CACNA1S: variants seen among roughly 807,000 people sequenced by gnomAD.
CACNA1S encodes calcium voltage-gated channel subunit alpha1 S.
A neutral mutation model predicts 207.4 loss-of-function variants in CACNA1S; 126 were observed. The observed-to-expected ratio is 0.61, with a 90% CI of 0.53 to 0.70. The LOEUF (loss-of-function observed/expected upper bound fraction) is 0.70. Among genes scored for constraint, CACNA1S ranks in the 30% least tolerant of loss-of-function variants. CACNA1S has a pLI of 0.00. For missense variants in CACNA1S, 2,349 were observed against 2,422.8 expected, an observed-to-expected ratio of 0.97 and a Z score of 0.64; for synonymous variants, 960 against 932.7, an observed-to-expected ratio of 1.03 and a Z score of -0.53.
Position 201,072,742 on chromosome 1 carries a change from C to T in CACNA1S, c.2227+13G>A. 6.2e-7 allele frequency: 1 copy of T among 1,608,962 alleles called. No homozygotes were observed. The highest frequency in any genetic ancestry group is 8.5e-7 in the Non-Finnish European group (1 of 1,175,374). Reference sequence around the variant, plus strand: ...CCAGCACCCTGCTCCAGTCCAGTCTCCAGCATCCTCACCTGGGAAGTCGGC... The same window carrying T: ...CCAGCACCCTGCTCCAGTCCAGTCTTCAGCATCCTCACCTGGGAAGTCGGC... On this transcript the variant is annotated intron_variant, in intron 16 of 43. Coordinates refer to ENST00000362061, the MANE Select transcript of CACNA1S (RefSeq NM_000069.3).
intron 10 of CACNA1S, among the ~76,000 whole-genome samples, chr1:201,080,622 C>T (rs763196579): frequency 2.0e-5 from 3 of 152,164 alleles, no homozygotes; most frequent in Non-Finnish European, 4.4e-5. Flanking sequence ...TCATTTTAAA[C>T]AGTCTCCTTT....
At position 201,089,241 on chromosome 1, in the gene CACNA1S, C is replaced by T. The variant is rs373839474; in HGVS notation, c.900+17G>A. ...GGATGAAGGGAGATGGTTCTGCAGG[C>T]GCGGGCCCAGACCCACCCAGTAAAG... On this transcript the variant is annotated intron_variant, in intron 6 of 43. Transcript: ENST00000362061. 492 of 1,612,450 alleles carry T rather than the reference C, an allele frequency of 3.1e-4. 1 individual carries two copies. The highest frequency in any genetic ancestry group is 4.0e-4 in the Non-Finnish European group (473 of 1,178,558).
At chr1:201,054,411 AC>A (rs1660761714) in intron 29 of CACNA1S, 93 bp downstream of exon 29, 2 of 1,308,444 alleles carry the variant, frequency 1.5e-6, no homozygotes, top group African/African-American at 2.9e-5. Context: ...GTGCTGATCC[AC>A]CCCATGCAAT....
chr1:201,068,080 A>T (rs1471512108), intron 19 of CACNA1S, among the ~76,000 whole-genome samples: 1 of 151,968 alleles, frequency 6.6e-6, no homozygotes, highest in African/African-American at 2.4e-5. Context: ...GCTGTGGATA[A>T]GGTGTGGAAA....
At position 201,046,996 on chromosome 1, in the gene CACNA1S, G is replaced by C. The variant is rs12407188; in HGVS notation, c.4668+119C>G. ...TCTTGACATTTTTTCACTCTTCTGG[G>C]CTTCCTTTTTCCCTCTATGTCTCCA... On this transcript the variant is annotated intron_variant, in intron 38 of 43. Transcript: ENST00000362061. 0.017 allele frequency: 22,817 copies of C among 1,355,744 alleles called. 940 individuals carry two copies. The highest frequency in any genetic ancestry group is 0.11 in the East Asian group (4,985 of 43,596). 84.0% of individuals were successfully genotyped at this position (1,355,744 alleles called of 1,614,324 possible).
intron 19 of CACNA1S, among the ~76,000 whole-genome samples, chr1:201,068,744 C>T (rs905095857): frequency 5.9e-5 from 9 of 151,960 alleles, no homozygotes; most frequent in South Asian, 2.1e-4. Context: ...TGGTGGCAGA[C>T]GCCTGTAATC....
chr1:201,079,721 A>C (rs1190852757), intron 10 of CACNA1S, among the ~76,000 whole-genome samples: 4 of 152,180 alleles, frequency 2.6e-5, no homozygotes, highest in African/African-American at 9.7e-5. Context: ...CATTGAAAGG[A>C]ACTGGCCACA....
chr1:201,040,085 G>A lies in CACNA1S; in HGVS notation c.5371-3C>T, dbSNP rs774557359. ...CCCAGGCCCCCTCGAACCAGAGCCT[G>A]CAGGGAGGAGAGTAGGCTGAGTGGG... On this transcript the variant is annotated splice_region_variant and splice_polypyrimidine_tract_variant and intron_variant, in intron 43 of 43. Coordinates refer to ENST00000362061, the MANE Select transcript of CACNA1S (RefSeq NM_000069.3). 1 of 1,614,176 alleles carries A rather than the reference G, an allele frequency of 6.2e-7. No individual in the cohort carries two copies. The highest frequency in any genetic ancestry group is 1.1e-5 in the South Asian group (1 of 91,088).
At chr1:201,045,927 T>C (rs925177478) in intron 38 of CACNA1S, among the ~76,000 whole-genome samples, 3 of 152,058 alleles carry the variant, frequency 2.0e-5, no homozygotes, top group African/African-American at 7.2e-5. Context: ...TACTCTCAAA[T>C]GGTTCAGAAA....
At chr1:201,099,543 T>C (rs1662562565) in intron 2 of CACNA1S, among the ~76,000 whole-genome samples, 1 of 152,210 alleles carries the variant, frequency 6.6e-6, no homozygotes, top group African/African-American at 2.4e-5. Context: ...GGCAATGGAC[T>C]CATATTCGTT....
At chr1:201,106,498 T>A (rs1165362961) in intron 2 of CACNA1S, among the ~76,000 whole-genome samples, 1 of 152,108 alleles carries the variant, frequency 6.6e-6, no homozygotes, top group Non-Finnish European at 1.5e-5. Context: ...CCAGGCTACA[T>A]AATGGGGGGC....
At position 201,077,919 on chromosome 1, in the gene CACNA1S, G is replaced by A. The variant is rs778879387; in HGVS notation, c.1579C>T (p.Leu527Phe). 1 of 1,614,084 alleles carries A rather than the reference G, an allele frequency of 6.2e-7. No individual in the cohort carries two copies. Among genetic ancestry groups the A allele is most frequent in the Non-Finnish European group, 8.5e-7 (1 of 1,179,934 alleles). ...ATCCTCAGGAGGCGGATGCAGCGGA[G>A]CACGGAGATGCCCAGGGGTGTCATG... is the stretch of plus-strand genomic sequence containing the variant. ...GAMTPLGISV[L>F]RCIRLLRIFK... Residue 527 changes from leucine to phenylalanine, a missense_variant, in exon 11 of 44, where the codon CTC becomes TTC. Leu to Phe is a conservative substitution (Grantham distance 22, BLOSUM62 0). Transcript: ENST00000362061.
chr1:201,047,533 G>A lies in CACNA1S; in HGVS notation c.4535C>T (p.Pro1512Leu), dbSNP rs770229056. Residue 1512 changes from proline (P) to leucine (L), a missense_variant, in exon 37 of 44, where the codon CCA becomes CTA. Pro to Leu is a moderately conservative substitution (Grantham distance 98). Transcript: ENST00000362061. Reference sequence around the variant, plus strand: ...CCCAAAGTAGCACCTACCTCCTATTGGAGGGATGACCTGGTCCAAGAGCTT... The same window carrying A: ...CCCAAAGTAGCACCTACCTCCTATTAGAGGGATGACCTGGTCCAAGAGCTT... ...SMKLLDQVIPPIGDDEVTVGK... is the reference protein window; with the variant it reads ...SMKLLDQVIPLIGDDEVTVGK... 1.2e-6 allele frequency: 2 copies of A among 1,613,228 alleles called. No homozygotes were observed. The highest frequency in any genetic ancestry group is 1.7e-6 in the Non-Finnish European group (2 of 1,179,190).
chr1:201,087,771 C>G lies in CACNA1S; in HGVS notation c.1004+55G>C. On this transcript the variant is annotated intron_variant, in intron 7 of 43. Transcript: ENST00000362061. ...CCTCCGTTCCTTTTCCTTCCTCCTC[C>G]TTCTCCCCTCCTCCTCTTTCTCTTT... is the stretch of plus-strand genomic sequence containing the variant. 2.5e-6 allele frequency: 3 copies of G among 1,223,764 alleles called. No individual in the cohort carries two copies. The South Asian group carries it at 3.7e-5, about 15-fold the overall frequency. The allele number at this position is 1,223,764 out of a possible 1,614,324, so 75.8% of individuals were successfully genotyped here. A position where few individuals can be genotyped will look rare whatever the true frequency, so the allele number is the denominator to read the frequency against.
chr1:201,062,311 A>G, intron 23 of CACNA1S, 151 bp downstream of exon 23: 1 of 969,796 alleles, frequency 1.0e-6, no homozygotes, highest in Non-Finnish European at 1.6e-6. Flanking sequence ...AAGGGCCGTC[A>G]TCCACCAACA....
intron 2 of CACNA1S, among the ~76,000 whole-genome samples, chr1:201,103,592 C>A (rs1662760477): frequency 6.6e-6 from 1 of 152,184 alleles, no homozygotes; most frequent in Admixed American, 6.5e-5. Flanking sequence ...CCAGGTGGGT[C>A]TAAAATCCAG....
Position 201,040,617 on chromosome 1 carries a change from G to C in CACNA1S, c.5226+5C>G. ...AGTTTGCTCCCAGGCCTCTGCCACT[G>C]TTACCTGGCAGGGGGCAGGAGGTGC... is the stretch of plus-strand genomic sequence containing the variant. On this transcript the variant is annotated splice_donor_5th_base_variant and intron_variant, in intron 42 of 43. Coordinates refer to ENST00000362061, the MANE Select transcript of CACNA1S (RefSeq NM_000069.3). 6.2e-7 allele frequency: 1 copy of C among 1,612,430 alleles called. No individual in the cohort carries two copies. Among genetic ancestry groups the C allele is most frequent in the Non-Finnish European group, 8.5e-7 (1 of 1,178,666 alleles).
intron 9 of CACNA1S, among the ~76,000 whole-genome samples, 200 bp downstream of exon 9, chr1:201,084,750 T>A (rs566414731): frequency 2.9e-4 from 44 of 152,318 alleles, no homozygotes; most frequent in Non-Finnish European, 5.3e-4. Flanking sequence ...TCAGGACCCC[T>A]CTGATCACAC....
At chr1:201,074,093 A>G (rs897028694) in intron 14 of CACNA1S, among the ~76,000 whole-genome samples, 2 of 152,108 alleles carry the variant, frequency 1.3e-5, no homozygotes, top group African/African-American at 4.8e-5. Context: ...TCTGTCTAGA[A>G]CCTAGGTACT....
Sources: allele counts gnomAD v4.1 joint callset (sites outside exome capture counted in the v4.1 genomes callset), GRCh38; gene constraint gnomAD v4.1.1; transcripts MANE v1.5; gene names NCBI Gene and HGNC (gene_info 2026-07-23, HGNC 2026-07-21).